Variants in LDB3 observed in about 807,000 individuals in gnomAD.
LDB3 encodes the protein LIM domain-binding protein 3.
In LDB3, 49 loss-of-function variants were observed where a neutral mutation model predicts 69.0. The ratio of observed to expected loss-of-function variants is 0.71; its 90% CI spans 0.56 to 0.90. LDB3 has a LOEUF of 0.90. LDB3 is among the 40% of genes least tolerant of loss of function. The pLI, the probability that LDB3 is intolerant of heterozygous loss-of-function variation, is 0.00. For synonymous variants in LDB3, 387 were observed against 396.2 expected (o/e 0.98, Z 0.28); for missense variants, 928 against 974.1 (o/e 0.95, Z 0.63).
rs148270439 is a variant in LDB3 at position 86,678,917 on chromosome 10, G to A, written c.94-450G>A. Among the ~76,000 whole-genome samples, 1,043 of 152,322 alleles carry A rather than the reference G, an allele frequency of 6.8e-3. 12 individuals are homozygous for A. Among genetic ancestry groups the A allele is most frequent in the African/African-American group, 0.024 (987 of 41,566 alleles). On this transcript the variant is annotated intron_variant, in intron 2 of 13. Coordinates refer to ENST00000361373, the MANE Select transcript of LDB3 (RefSeq NM_007078.3). ...AGCCTCCCAAAGTGCTGGGATTATA[G>A]GCATGAGCCACCATGTCCAACAGCC...
In LDB3 at chr10:86,680,009, C is replaced by A; in HGVS notation, c.246-73C>A. 4 of 1,345,374 alleles carry A rather than the reference C, an allele frequency of 3.0e-6. No individual in the cohort carries two copies. The South Asian group carries it at 3.5e-5, about 12-fold the overall frequency. 83.3% of individuals were successfully genotyped at this position (1,345,374 alleles called of 1,614,324 possible). On this transcript the variant is annotated intron_variant, in intron 3 of 13. Coordinates refer to ENST00000361373, the MANE Select transcript of LDB3 (RefSeq NM_007078.3). The stretch of plus-strand genomic sequence containing the variant: ...TGGCTCTCTCTTGCTCTCTCCTCAC[C>A]AGCCCTGCCCAGGCAGGAGCTTCTG...
intron 7 of LDB3, 77 bp downstream of exon 7, chr10:86,692,648 C>G: frequency 2.3e-6 from 3 of 1,283,218 alleles, no homozygotes; most frequent in Non-Finnish European, 3.4e-6. Flanking sequence ...GGTCACATCA[C>G]TCATGGAAGG....
At chr10:86,716,792 T>G in intron 10 of LDB3, 21 bp downstream of exon 10, 1 of 1,584,414 alleles carries the variant, frequency 6.3e-7, no homozygotes, top group African/African-American at 1.3e-5. Context: ...GCTGTGCCCC[T>G]GCACTGGGGC....
Position 86,681,811 on chromosome 10 carries a change from A to G in LDB3, c.689+8A>G, listed in dbSNP as rs2132373164. The G allele has an allele frequency of 1.3e-6, 2 of 1,587,222 alleles. No individual in the cohort carries two copies. The highest frequency in any genetic ancestry group is 1.7e-6 in the Non-Finnish European group (2 of 1,168,302). ...TGTCGGACTCCCAGGAGGGTAGGTA[A>G]CGGACATACAGCTCTCCACAGGTGG... On this transcript the variant is annotated splice_region_variant and intron_variant, in intron 5 of 13. Transcript: ENST00000361373.
Position 86,680,137 on chromosome 10 carries a change from C to T in LDB3, c.301C>T (p.Pro101Ser), listed in dbSNP as rs1399310050. The change falls in exon 4 of 14, where the codon CCG becomes TCG. Residue 101 changes from proline to serine, a missense_variant. Pro to Ser is a moderately conservative substitution (Grantham distance 74). Coordinates refer to ENST00000361373, the MANE Select transcript of LDB3 (RefSeq NM_007078.3). ...TTAPPVQTPL[P>S]VIPHQKDPAL... is the part of the protein sequence containing the mutation. ...AGCACCTCCAGTCCAGACCCCTCTGCCGGTGATCCCTCACCAGAAGGTAGG... is the reference window on the plus strand; with the variant it reads ...AGCACCTCCAGTCCAGACCCCTCTGTCGGTGATCCCTCACCAGAAGGTAGG... 6 of 1,614,034 alleles carry T rather than the reference C, an allele frequency of 3.7e-6. No homozygotes were observed. The Admixed American group carries it at 1.0e-4, about 27-fold the overall frequency.
At chr10:86,719,573 C>G (rs1311002816) in intron 12 of LDB3, among the ~76,000 whole-genome samples, 1 of 152,178 alleles carries the variant, frequency 6.6e-6, no homozygotes, top group East Asian at 1.9e-4. Context: ...AAGTTACTAA[C>G]CTTCTCTGAG....
chr10:86,695,552 G>A (rs1341914420), intron 7 of LDB3, among the ~76,000 whole-genome samples: 1 of 152,208 alleles, frequency 6.6e-6, no homozygotes, highest in African/African-American at 2.4e-5. Flanking sequence ...GGCACCTTAG[G>A]AAACTGTCCA....
At position 86,681,519 on chromosome 10, in the gene LDB3, C is replaced by A; in HGVS notation, c.405C>A (p.Thr135=). 1 of 1,612,186 alleles carries A rather than the reference C, an allele frequency of 6.2e-7. No individual in the cohort carries two copies. Among genetic ancestry groups the A allele is most frequent in the Non-Finnish European group, 8.5e-7 (1 of 1,179,820 alleles). The change falls in exon 5 of 14, where the codon ACC becomes ACA. Residue 135 remains threonine, a synonymous_variant. Coordinates refer to ENST00000361373, the MANE Select transcript of LDB3 (RefSeq NM_007078.3). ...EARASPGTPG[T]PELRPTFSPA... is the part of the protein sequence containing the mutation. ...GGGCCAGCCCAGGCACCCCAGGCAC[C>A]CCGGAGCTCAGGCCCACCTTTAGCC...
chr10:86,721,876 CT>C (rs1279561281), intron 12 of LDB3, among the ~76,000 whole-genome samples: 2 of 152,154 alleles, frequency 1.3e-5, no homozygotes, highest in Non-Finnish European at 2.9e-5. Flanking sequence ...GACAGAAATC[CT>C]TTTACAATAG....
At chr10:86,666,943 G>A (rs915074431), upstream of LDB3, 4 of 444,930 alleles carry the variant, frequency 9.0e-6, no homozygotes, top group Non-Finnish European at 1.9e-5. Flanking sequence ...CAGCCTGGCA[G>A]GATGGACAAA....
At chr10:86,713,166 G>T (rs1008875238) in intron 9 of LDB3, among the ~76,000 whole-genome samples, 8 of 152,042 alleles carry the variant, frequency 5.3e-5, no homozygotes, top group African/African-American at 1.9e-4. Context: ...GGCACTTCTT[G>T]GTCGGACTAG....
chr10:86,671,816 A>G (rs1276591772), intron 2 of LDB3, among the ~76,000 whole-genome samples: 2 of 152,190 alleles, frequency 1.3e-5, no homozygotes, highest in Non-Finnish European at 2.9e-5. Flanking sequence ...TCTCACCCTT[A>G]AAATGGGGAT....
chr10:86,733,074 A>G lies in LDB3; in HGVS notation c.*98A>G. 2.4e-6 allele frequency: 2 copies of G among 835,818 alleles called. No homozygotes were observed. Among genetic ancestry groups the G allele is most frequent in the Non-Finnish European group, 4.0e-6 (2 of 494,842 alleles). 51.8% of individuals were successfully genotyped at this position (835,818 alleles called of 1,614,324 possible). ...GATGTTTCTTCTGAGGGGAATGGGG[A>G]GAGAGAGGAAGCGACTGAGCCCTTT... On this transcript the variant is annotated 3_prime_UTR_variant, in exon 14 of 14. Coordinates refer to ENST00000361373, the MANE Select transcript of LDB3 (RefSeq NM_007078.3).
At chr10:86,678,846 C>T (rs1406995418) in intron 2 of LDB3, among the ~76,000 whole-genome samples, 1 of 151,558 alleles carries the variant, frequency 6.6e-6, no homozygotes, top group African/African-American at 2.4e-5. Flanking sequence ...GGCTCCTTTG[C>T]CTGGGCTGGC....
chr10:86,692,481 C>T, intron 6 of LDB3, 54 bp from the exon 7 acceptor site: 1 of 1,582,134 alleles, frequency 6.3e-7, no homozygotes, highest in Non-Finnish European at 8.7e-7. Flanking sequence ...GCCCCAGCAG[C>T]TTTCCTTGCT....
chr10:86,684,265 A>G (rs746204939), intron 5 of LDB3, among the ~76,000 whole-genome samples: 3 of 152,240 alleles, frequency 2.0e-5, no homozygotes, highest in Non-Finnish European at 4.4e-5. Context: ...ATCTTCCCCA[A>G]GACCCAGGCA....
At chr10:86,685,740 C>A (rs919897440) in intron 5 of LDB3, 1 of 1,612,454 alleles carries the variant, frequency 6.2e-7, no homozygotes, top group Non-Finnish European at 8.5e-7. Context: ...GCTTGCGTGC[C>A]AGCCCCAGCA....
At chr10:86,693,844 T>C (rs1845884402) in intron 7 of LDB3, among the ~76,000 whole-genome samples, 1 of 152,244 alleles carries the variant, frequency 6.6e-6, no homozygotes, top group Non-Finnish European at 1.5e-5. Context: ...GCCACCCATG[T>C]AGCTGCTTCA....
At chr10:86,691,830 G>A (rs1034989789) in intron 5 of LDB3, 66 bp from the exon 6 acceptor site, 75 of 1,577,492 alleles carry the variant, frequency 4.8e-5, no homozygotes, top group Non-Finnish European at 6.3e-5. Flanking sequence ...CATGGAGCAG[G>A]GACCCAGCAG....
Sources: gnomAD v4.1 joint callset for allele counts (sites outside exome capture counted in the v4.1 genomes callset) on GRCh38, gnomAD v4.1.1 for gene constraint, MANE v1.5 for transcripts, NCBI Gene and HGNC (gene_info 2026-07-23, HGNC 2026-07-21) for gene names.